Variants in SRGAP3 observed in about 807,000 individuals in gnomAD.
The protein encoded by SRGAP3 is SLIT-ROBO Rho GTPase-activating protein 3.
Under a neutral mutation model 121.1 loss-of-function variants are expected in SRGAP3, and 39 were observed. The ratio of observed to expected loss-of-function variants is 0.32; its 90% CI spans 0.25 to 0.42. SRGAP3 has a LOEUF of 0.42. Ranked by LOEUF, SRGAP3 falls within the 10% of genes least tolerant of loss-of-function variation. The pLI, the probability that SRGAP3 is intolerant of heterozygous loss-of-function variation, is 1.00. For synonymous variants in SRGAP3, 601 were observed against 570.0 expected, an observed-to-expected ratio of 1.05 and a Z score of -0.77; for missense variants, 1,213 against 1,470.6, an observed-to-expected ratio of 0.82 and a Z score of 2.86.
chr3:9,040,709 A>G (rs1944972157), intron 10 of SRGAP3, among the ~76,000 whole-genome samples: 1 of 152,230 alleles, frequency 6.6e-6, no homozygotes, highest in African/African-American at 2.4e-5. Flanking sequence ...GACCACAGGC[A>G]CATACCACCA....
chr3:9,094,861 T>A (rs556360903), intron 3 of SRGAP3, among the ~76,000 whole-genome samples: 1 of 152,122 alleles, frequency 6.6e-6, no homozygotes, highest in African/African-American at 2.4e-5. Context: ...GCTCAGGAGA[T>A]CCTCCCACCT....
At position 9,015,457 on chromosome 3, in the gene SRGAP3, C is replaced by T. The variant is rs548074366; in HGVS notation, c.1813+140G>A. ...ATTATAAACCATCTTGTTATTTCCG[C>T]TTTCAGTTCTACGAGGATGCACGTC... is the stretch of plus-strand genomic sequence containing the variant. On this transcript the variant is annotated intron_variant, in intron 15 of 21. Transcript: ENST00000383836. The T allele has an allele frequency of 1.2e-5, 13 of 1,119,308 alleles. No homozygotes were observed. The East Asian group carries it at 2.8e-4, about 24-fold the overall frequency. 69.3% of individuals were successfully genotyped at this position (1,119,308 alleles called of 1,614,324 possible). A position where few individuals can be genotyped will look rare whatever the true frequency, so the allele number is the denominator to read the frequency against.
chr3:9,307,243 G>A (rs1247063638), intron 3 of SRGAP3, among the ~76,000 whole-genome samples: 1 of 152,172 alleles, frequency 6.6e-6, no homozygotes, highest in Non-Finnish European at 1.5e-5. Flanking sequence ...CAAAGTGCTG[G>A]GATTACAGGC....
chr3:9,296,292 G>C (rs1200702761), intron 3 of SRGAP3, among the ~76,000 whole-genome samples: 1 of 152,134 alleles, frequency 6.6e-6, no homozygotes, highest in African/African-American at 2.4e-5. Context: ...TCCACACACA[G>C]GCCAATGCTT....
chr3:9,120,754 T>C (rs1401682272), intron 2 of SRGAP3, among the ~76,000 whole-genome samples: 2 of 152,222 alleles, frequency 1.3e-5, no homozygotes, highest in Non-Finnish European at 2.9e-5. Flanking sequence ...TTTGTTAGAA[T>C]TGGATATGTG....
At chr3:9,225,650 G>A (rs1952960545) in intron 1 of SRGAP3, among the ~76,000 whole-genome samples, 1 of 152,140 alleles carries the variant, frequency 6.6e-6, no homozygotes, top group Admixed American at 6.5e-5. Flanking sequence ...CCTTCTGCTA[G>A]GGGATGACCA....
intron 1 of SRGAP3, among the ~76,000 whole-genome samples, chr3:9,175,388 G>T (rs575284834): frequency 1.3e-5 from 2 of 152,264 alleles, no homozygotes; most frequent in South Asian, 4.1e-4. Context: ...CCAATTCCTA[G>T]CACAAGCCAG....
At chr3:9,078,717 T>C (rs1043994578) in intron 4 of SRGAP3, among the ~76,000 whole-genome samples, 1 of 152,212 alleles carries the variant, frequency 6.6e-6, no homozygotes, top group Non-Finnish European at 1.5e-5. Flanking sequence ...CCCAGCAGGC[T>C]GTTCTGCCCC....
Position 9,207,085 on chromosome 3 carries a change from AG to A in SRGAP3, c.67+41799del, listed in dbSNP as rs376886407. On this transcript the variant is annotated intron_variant, in intron 1 of 21. Transcript: ENST00000383836. ...GGATGGAGGGGGTTCCTAGGATATA[AG>A]GTTTTCAGTGGGGAAATTAGGAAAG... 6.8e-4 allele frequency among the ~76,000 whole-genome samples: 104 copies of A among 152,284 alleles called. 1 individual carries two copies. In the East Asian group the frequency reaches 0.02, roughly 29 times the overall value.
chr3:9,118,970 C>T (rs1471909903), intron 2 of SRGAP3, among the ~76,000 whole-genome samples: 1 of 152,220 alleles, frequency 6.6e-6, no homozygotes, highest in Non-Finnish European at 1.5e-5. Flanking sequence ...TATCACTTGC[C>T]TTTCATTCAT....
At chr3:9,123,730 A>ATGTGTGTGTG (rs1156597319) in intron 2 of SRGAP3, among the ~76,000 whole-genome samples, 2 of 110,258 alleles carry the variant, frequency 1.8e-5, no homozygotes, top group African/African-American at 9.2e-5. Context: ...ATATATGTAT[A>ATGTGTGTGTG]TATGTGTGTG....
intron 1 of SRGAP3, among the ~76,000 whole-genome samples, chr3:9,192,248 G>A (rs549124537): frequency 6.6e-6 from 1 of 152,292 alleles, no homozygotes; most frequent in Non-Finnish European, 1.5e-5. Flanking sequence ...CGTGCCTGAT[G>A]GAATAGAGTA....
chr3:9,284,918 T>C (rs537632451), intron 3 of SRGAP3, among the ~76,000 whole-genome samples: 23 of 151,970 alleles, frequency 1.5e-4, no homozygotes, highest in African/African-American at 5.3e-4. Context: ...CACATACTTT[T>C]AGAACCACTG....
At chr3:9,045,111 T>C (rs1945197031) in intron 10 of SRGAP3, among the ~76,000 whole-genome samples, 1 of 151,646 alleles carries the variant, frequency 6.6e-6, no homozygotes, top group African/African-American at 2.4e-5. Flanking sequence ...ACAAACTAGA[T>C]GTGGAGTATA....
At chr3:8,996,868 C>A (rs1212416170) in intron 18 of SRGAP3, among the ~76,000 whole-genome samples, 1 of 152,202 alleles carries the variant, frequency 6.6e-6, no homozygotes, top group Admixed American at 6.5e-5. Context: ...AGGCGCTGAC[C>A]TAAGCAGAGG....
chr3:9,091,257 C>G (rs1343822778), intron 3 of SRGAP3, among the ~76,000 whole-genome samples: 1 of 152,070 alleles, frequency 6.6e-6, no homozygotes, highest in Non-Finnish European at 1.5e-5. Flanking sequence ...AGCCAGCCCC[C>G]TGTCTCTCTT....
At chr3:9,008,587 C>T (rs1189445356) in intron 18 of SRGAP3, among the ~76,000 whole-genome samples, 2 of 151,598 alleles carry the variant, frequency 1.3e-5, no homozygotes, top group Admixed American at 6.6e-5. Context: ...TGGAGGTGGT[C>T]GGCAGAAGAA....
intron 17 of SRGAP3, among the ~76,000 whole-genome samples, chr3:9,011,926 G>A (rs1286653753): frequency 6.6e-6 from 1 of 152,196 alleles, no homozygotes; most frequent in Non-Finnish European, 1.5e-5. Flanking sequence ...ATAAGTACAC[G>A]AAGATCTGTG....
chr3:9,208,187 C>A (rs1477428830), intron 1 of SRGAP3, among the ~76,000 whole-genome samples: 1 of 151,318 alleles, frequency 6.6e-6, no homozygotes, highest in Non-Finnish European at 1.5e-5. Flanking sequence ...TTCCCAGACC[C>A]CCGAGATGTT....
Sources: allele counts gnomAD v4.1 joint callset (sites outside exome capture counted in the v4.1 genomes callset), GRCh38; gene constraint gnomAD v4.1.1; transcripts MANE v1.5; gene names NCBI Gene and HGNC (gene_info 2026-07-23, HGNC 2026-07-21).